SBK1: variants seen among roughly 807,000 people sequenced by gnomAD.
The protein encoded by SBK1 is SH3 domain binding kinase 1.
A neutral mutation model predicts 24.4 loss-of-function variants in SBK1; 11 were observed. The observed-to-expected ratio is 0.45, with a 90% confidence interval of 0.28 to 0.75. SBK1 has a LOEUF of 0.75. SBK1 is among the 30% of genes least tolerant of loss of function. The pLI is 0.12. For missense variants in SBK1, 467 were observed against 620.5 expected (o/e 0.75, Z 2.63); for synonymous variants, 308 against 284.4 (o/e 1.08, Z -0.83).
chr16:28,291,795 C>T (rs2141574760), upstream of SBK1: 1 of 152,416 alleles, frequency 6.6e-6, no homozygotes, highest in Non-Finnish European at 1.5e-5. Flanking sequence ...TTCTTCCCTT[C>T]TATCCGGCGA....
chr16:28,295,992 C>G (rs1444039272), intron 1 of SBK1, among the ~76,000 whole-genome samples: 2 of 140,648 alleles, frequency 1.4e-5, no homozygotes, highest in Non-Finnish European at 3.0e-5. Context: ...ATGGCGAGAT[C>G]TCGGCTCACT....
At chr16:28,261,147 A>G (rs1171060616) in intron 1 of SBK1, among the ~76,000 whole-genome samples, 2 of 152,084 alleles carry the variant, frequency 1.3e-5, no homozygotes, top group Non-Finnish European at 2.9e-5. Context: ...AAGTGAGGAG[A>G]GGCAAGGAAA....
At chr16:28,291,768 T>A (rs1170901133), upstream of SBK1, 1 of 152,346 alleles carries the variant, frequency 6.6e-6, no homozygotes, top group Non-Finnish European at 1.5e-5. Flanking sequence ...CTGCTGTACC[T>A]CTGCCTAGAA....
intron 1 of SBK1, among the ~76,000 whole-genome samples, chr16:28,296,627 GA>G (rs562820070): frequency 8.4e-4 from 128 of 152,322 alleles, no homozygotes; most frequent in African/African-American, 2.9e-3. Context: ...AACGTGCACA[GA>G]ATAGTGTCCA....
rs2044868077 is a variant in SBK1, at chr16:28,322,958, CTCTCTCTCTCTCTCTCTCTCTCCTCTCTT to C, written c.*2048_*2076del. 1.6e-5 allele frequency: 2 copies of C among 127,074 alleles called. No homozygotes were observed. The highest frequency in any genetic ancestry group is 5.6e-4 in the South Asian group (2 of 3,578). 7.9% of individuals were successfully genotyped at this position (127,074 alleles called of 1,614,324 possible). A position where few individuals can be genotyped will look rare whatever the true frequency, so the allele number is the denominator to read the frequency against. On this transcript the variant is annotated 3_prime_UTR_variant, in exon 4 of 4. Coordinates refer to ENST00000341901, the MANE Select transcript of SBK1 (RefSeq NM_001024401.3). ...TCTCTCTCTCTCTCTCTCTCTCTCT[CTCTCTCTCTCTCTCTCTCTCTCCTCTCTT>C]TCTCTCTCTCCCTCTCTCTGTTAAG...
intron 1 of SBK1, among the ~76,000 whole-genome samples, chr16:28,273,227 T>C (rs1474485722): frequency 6.6e-6 from 1 of 151,864 alleles, no homozygotes; most frequent in Non-Finnish European, 1.5e-5. Flanking sequence ...CAGATTTTTT[T>C]TTTTTCTTTT....
intron 1 of SBK1, among the ~76,000 whole-genome samples, chr16:28,316,692 G>C (rs1027535002): frequency 6.6e-6 from 1 of 152,126 alleles, no homozygotes; most frequent in African/African-American, 2.4e-5. Flanking sequence ...TCCTGCACAT[G>C]TACCCCAGAA....
Position 28,311,995 on chromosome 16 carries a change from G to A in SBK1, c.-7-5390G>A, listed in dbSNP as rs76088911. Among the ~76,000 whole-genome samples the A allele has an allele frequency of 8.8e-3, 1,336 of 152,376 alleles. 26 individuals are homozygous for A. The highest frequency in any genetic ancestry group is 0.031 in the African/African-American group (1,284 of 41,588). The stretch of plus-strand genomic sequence containing the variant: ...GCTCCCAGAGTACACAGAACAGCCT[G>A]AGGTGGCCTTGCAGGGCCAAAGCCC... On this transcript the variant is annotated intron_variant, in intron 1 of 3. Transcript: ENST00000341901.
chr16:28,260,889 G>A (rs79956256), intron 1 of SBK1, among the ~76,000 whole-genome samples: 2,529 of 152,244 alleles, frequency 0.017, 74 homozygotes, highest in African/African-American at 0.058. Flanking sequence ...AGGAGCCATC[G>A]GAGGCCCACC....
At chr16:28,294,295 G>A (rs2044623452) in intron 1 of SBK1, among the ~76,000 whole-genome samples, 1 of 152,168 alleles carries the variant, frequency 6.6e-6, no homozygotes, top group Non-Finnish European at 1.5e-5. Context: ...TGGACTGCAT[G>A]GAAAGAACAC....
chr16:28,297,406 G>A (rs2044648536), intron 1 of SBK1, among the ~76,000 whole-genome samples: 1 of 152,184 alleles, frequency 6.6e-6, no homozygotes, highest in African/African-American at 2.4e-5. Flanking sequence ...GCTGGGCCAG[G>A]GGCCAGCAGC....
chr16:28,263,651 G>A (rs2044410742), intron 1 of SBK1, among the ~76,000 whole-genome samples: 1 of 152,176 alleles, frequency 6.6e-6, no homozygotes, highest in African/African-American at 2.4e-5. Flanking sequence ...AAGGAATTGG[G>A]AAGCCTTTGA....
intron 1 of SBK1, among the ~76,000 whole-genome samples, chr16:28,303,507 C>CTTTTTTTTTTTTTTTTTTTTTT (rs143613970): frequency 2.6e-4 from 15 of 58,078 alleles, no homozygotes; most frequent in East Asian, 1.1e-3. Flanking sequence ...CTTTTCTTTT[C>CTTTTTTTTTTTTTTTTTTTTTT]TTTTTTTTTT....
chr16:28,304,900 G>A (rs772680912), intron 1 of SBK1, among the ~76,000 whole-genome samples: 2 of 151,768 alleles, frequency 1.3e-5, no homozygotes, highest in African/African-American at 4.8e-5. Flanking sequence ...GAGCCACCGC[G>A]CACGGCAGCG....
intron 1 of SBK1, among the ~76,000 whole-genome samples, chr16:28,266,817 C>T (rs904211653): frequency 2.6e-5 from 4 of 151,400 alleles, no homozygotes; most frequent in Non-Finnish European, 4.4e-5. Flanking sequence ...TCAGGATTGC[C>T]GCAGCCTTGA....
intron 1 of SBK1, among the ~76,000 whole-genome samples, chr16:28,284,512 C>T (rs1197043391): frequency 6.6e-6 from 1 of 152,240 alleles, no homozygotes; most frequent in African/African-American, 2.4e-5. Context: ...AGGAGCCCAG[C>T]ACCCAGAGCC....
In SBK1 at chr16:28,310,946, G is replaced by A. The variant is rs531971307; in HGVS notation, c.-7-6439G>A. ...CCATTGCTCCCCCTGTGCCTCCGACGCCACGTGCGCCGGAACTGGGTCAGA... is the reference window on the plus strand; with the variant it reads ...CCATTGCTCCCCCTGTGCCTCCGACACCACGTGCGCCGGAACTGGGTCAGA... On this transcript the variant is annotated intron_variant, in intron 1 of 3. Coordinates refer to ENST00000341901, the MANE Select transcript of SBK1 (RefSeq NM_001024401.3). Among the ~76,000 whole-genome samples, 8 of 152,318 alleles carry A rather than the reference G, an allele frequency of 5.3e-5. No homozygotes were observed. In the East Asian group the frequency reaches 5.8e-4, roughly 11 times the overall value.
At chr16:28,267,875 C>T (rs2044439566) in intron 1 of SBK1, among the ~76,000 whole-genome samples, 1 of 152,220 alleles carries the variant, frequency 6.6e-6, no homozygotes, top group Admixed American at 6.5e-5. Flanking sequence ...CGGCCAGGCG[C>T]AGTGGCTCGT....
chr16:28,313,915 G>A (rs1168151040), intron 1 of SBK1, among the ~76,000 whole-genome samples: 1 of 152,072 alleles, frequency 6.6e-6, no homozygotes, highest in Non-Finnish European at 1.5e-5. Flanking sequence ...AGGATGCGGG[G>A]CTCATGGAGT....
Sources: allele counts gnomAD v4.1 joint callset (sites outside exome capture counted in the v4.1 genomes callset), GRCh38; gene constraint gnomAD v4.1.1; transcripts MANE v1.5; gene names NCBI Gene and HGNC (gene_info 2026-07-23, HGNC 2026-07-21).